The following ELAPOR1 variants were observed in gnomAD, a reference collection of about 807,000 sequenced individuals.
The protein encoded by ELAPOR1 is endosome-lysosome associated apoptosis and autophagy regulator 1, also known as endosome/lysosome-associated apoptosis and autophagy regulator 1.
Under a neutral mutation model 119.7 loss-of-function variants are expected in ELAPOR1, and 77 were observed. That is an observed-to-expected ratio of 0.64 (90% confidence interval 0.54 to 0.78). ELAPOR1 has a LOEUF of 0.78. Ranked by LOEUF, ELAPOR1 falls within the 30% of genes least tolerant of loss-of-function variation. ELAPOR1 has a pLI of 0.00. For missense variants in ELAPOR1, 1,115 were observed against 1,270.4 expected (o/e 0.88, Z 1.86); for synonymous variants, 481 against 487.2 (o/e 0.99, Z 0.17).
At chr1:109,183,549 TTTCCTTCCTTCCTTCCTTCCTTCC>T (rs1187192136) in intron 7 of ELAPOR1, among the ~76,000 whole-genome samples, 1 of 81,118 alleles carries the variant, frequency 1.2e-5, no homozygotes, top group African/African-American at 4.4e-5. Context: ...CTTTCTTTCT[TTTCCTTCCTTCCTTCCTTCCTTCC>T]TTCCTTCCTT....
At chr1:109,184,960 C>A in intron 7 of ELAPOR1, 85 bp from the exon 8 acceptor site, 2 of 979,952 alleles carry the variant, frequency 2.0e-6, no homozygotes, top group Non-Finnish European at 3.3e-6. Context: ...CACCCAGGGA[C>A]TTGGGAGTCA....
chr1:109,175,649 A>G (rs1652225562), intron 7 of ELAPOR1, among the ~76,000 whole-genome samples: 1 of 150,716 alleles, frequency 6.6e-6, no homozygotes, highest in Non-Finnish European at 1.5e-5. Flanking sequence ...CAACATGGCA[A>G]AACCACGTCT....
chr1:109,203,231 T>C lies in ELAPOR1; in HGVS notation c.*219T>C, dbSNP rs1654287915. 1 of 528,048 alleles carries C rather than the reference T, an allele frequency of 1.9e-6. No individual in the cohort carries two copies. Among genetic ancestry groups the C allele is most frequent in the Non-Finnish European group, 3.4e-6 (1 of 296,724 alleles). The allele number at this position is 528,048 out of a possible 1,614,324, so 32.7% of individuals were successfully genotyped here. On this transcript the variant is annotated 3_prime_UTR_variant, in exon 22 of 22. Transcript: ENST00000369939. ...ATATACCCACACTTTGTTTGTAAAT[T>C]ATGCCCTTGCTTGTATCTTGTTTCC...
At chr1:109,138,305 G>A (rs976354369) in intron 1 of ELAPOR1, among the ~76,000 whole-genome samples, 10 of 152,144 alleles carry the variant, frequency 6.6e-5, no homozygotes, top group Admixed American at 5.9e-4. Context: ...CTGAGGGTGC[G>A]TTTTTGTCCC....
rs1169174044 is a variant in ELAPOR1 at position 109,151,893 on chromosome 1, A to G, written c.154-10001A>G. Among the ~76,000 whole-genome samples, 5 of 74,762 alleles carry G rather than the reference A, an allele frequency of 6.7e-5. No homozygotes were observed. The East Asian group carries it at 1.4e-3, about 20-fold the overall frequency. 49.0% of individuals were successfully genotyped at this position (74,762 alleles called of 152,430 possible). ...CATCCTTTTTTTTTTTTTTTTTTTG[A>G]GGCAGTGTCTCACTCTGCCACCCAG... On this transcript the variant is annotated intron_variant, in intron 1 of 21. Coordinates refer to ENST00000369939, the MANE Select transcript of ELAPOR1 (RefSeq NM_020775.5).
chr1:109,121,041 C>A (rs1162485349), intron 1 of ELAPOR1, among the ~76,000 whole-genome samples: 1 of 152,184 alleles, frequency 6.6e-6, no homozygotes, highest in Non-Finnish European at 1.5e-5. Flanking sequence ...GGGAAGTGCC[C>A]TGTGGGCAAA....
chr1:109,198,614 C>G lies in ELAPOR1; in HGVS notation c.2441C>G (p.Thr814Ser). ...CAGTCCTGCAGTTCTGGGAGATCAA[C>G]CACCATCCGCGTCAGGTGCAGTCCA... ...VTQSCSSGRS[T>S]TIRVRCSPQK... The change falls in exon 18 of 22, where the codon ACC (threonine) becomes AGC (serine). Residue 814 changes from threonine (T) to serine (S), a missense_variant. Physicochemically the swap from Thr to Ser is moderately conservative, Grantham distance 58. Coordinates refer to ENST00000369939, the MANE Select transcript of ELAPOR1 (RefSeq NM_020775.5). The G allele has an allele frequency of 1.2e-6, 2 of 1,614,024 alleles. No individual in the cohort carries two copies. Among genetic ancestry groups the G allele is most frequent in the Non-Finnish European group, 1.7e-6 (2 of 1,179,976 alleles).
At chr1:109,135,541 C>T (rs1649418145) in intron 1 of ELAPOR1, among the ~76,000 whole-genome samples, 3 of 152,194 alleles carry the variant, frequency 2.0e-5, no homozygotes, top group Admixed American at 2.0e-4. Context: ...CCGTGCCCAG[C>T]TCCAAGAATT....
intron 1 of ELAPOR1, among the ~76,000 whole-genome samples, chr1:109,153,125 G>T (rs1284744219): frequency 6.6e-6 from 1 of 151,830 alleles, no homozygotes; most frequent in Non-Finnish European, 1.5e-5. Context: ...GCACTGTTTT[G>T]TTTTTTTAAT....
At chr1:109,129,690 A>G (rs1649026727) in intron 1 of ELAPOR1, among the ~76,000 whole-genome samples, 1 of 152,222 alleles carries the variant, frequency 6.6e-6, no homozygotes. Context: ...GACGGGCTTC[A>G]TACCCCAGTT....
intron 1 of ELAPOR1, among the ~76,000 whole-genome samples, chr1:109,134,711 C>T (rs962887050): frequency 6.6e-6 from 1 of 152,078 alleles, no homozygotes; most frequent in Admixed American, 6.6e-5. Context: ...TTCGTCATTA[C>T]AACTTTGAAG....
chr1:109,120,385 A>G (rs546243756), intron 1 of ELAPOR1, among the ~76,000 whole-genome samples: 1 of 148,008 alleles, frequency 6.8e-6, no homozygotes, highest in African/African-American at 2.6e-5. Flanking sequence ...TGACAGAGCA[A>G]GACTCTGTCT....
intron 1 of ELAPOR1, among the ~76,000 whole-genome samples, chr1:109,160,520 T>C (rs538904942): frequency 6.6e-6 from 1 of 152,332 alleles, no homozygotes; most frequent in African/African-American, 2.4e-5. Flanking sequence ...CATCTTGGAA[T>C]AGATGAAATG....
At chr1:109,188,052 C>A in intron 8 of ELAPOR1, 125 bp from the exon 9 acceptor site, 3 of 1,449,066 alleles carry the variant, frequency 2.1e-6, no homozygotes, top group Non-Finnish European at 2.7e-6. Flanking sequence ...AAGTTCCCCA[C>A]CCCAGAGGAG....
Position 109,167,325 on chromosome 1 carries a change from C to T in ELAPOR1, c.467+2634C>T, listed in dbSNP as rs567014520. ...TTCCACCGCACGGACTATTTCAGGG[C>T]CTGCATCTTAAGGCATCCCACGACA... On this transcript the variant is annotated intron_variant, in intron 3 of 21. Coordinates refer to ENST00000369939, the MANE Select transcript of ELAPOR1 (RefSeq NM_020775.5). Among the ~76,000 whole-genome samples, 7 of 152,196 alleles carry T rather than the reference C, an allele frequency of 4.6e-5. No homozygotes were observed. In the East Asian group the frequency reaches 1.4e-3, roughly 29 times the overall value.
chr1:109,195,788 C>T (rs1361753572), intron 15 of ELAPOR1, among the ~76,000 whole-genome samples: 2 of 152,226 alleles, frequency 1.3e-5, no homozygotes, highest in Non-Finnish European at 2.9e-5. Flanking sequence ...GGCAGAAATG[C>T]AAAGGTTAAT....
intron 7 of ELAPOR1, among the ~76,000 whole-genome samples, chr1:109,183,590 T>TTCCCTCCCTCTC (rs768928752): frequency 3.7e-5 from 4 of 108,252 alleles, no homozygotes; most frequent in Non-Finnish European, 7.3e-5. Flanking sequence ...CCTTCCTTCC[T>TTCCCTCCCTCTC]TCCTTCCTTC....
intron 1 of ELAPOR1, among the ~76,000 whole-genome samples, chr1:109,157,441 C>T (rs1381212090): frequency 6.6e-6 from 1 of 152,156 alleles, no homozygotes; most frequent in East Asian, 1.9e-4. Flanking sequence ...CCCTATCGCA[C>T]ATGGGGAAAA....
chr1:109,133,232 A>AG (rs1649258738), intron 1 of ELAPOR1, among the ~76,000 whole-genome samples: 1 of 152,186 alleles, frequency 6.6e-6, no homozygotes, highest in African/African-American at 2.4e-5. Context: ...CTTGTCTCAA[A>AG]GAAAAAAAAG....
Sources: allele counts gnomAD v4.1 joint callset (sites outside exome capture counted in the v4.1 genomes callset), GRCh38; gene constraint gnomAD v4.1.1; transcripts MANE v1.5; gene names NCBI Gene and HGNC (gene_info 2026-07-23, HGNC 2026-07-21).